Variants in UTRN observed in about 807,000 individuals in gnomAD.
UTRN encodes the protein utrophin.
Under a neutral mutation model 463.9 loss-of-function variants are expected in UTRN, and 283 were observed. That is an observed-to-expected ratio of 0.61 (90% confidence interval 0.55 to 0.67). The LOEUF (loss-of-function observed/expected upper bound fraction) is 0.67, where lower values mean the gene tolerates loss of function less well. UTRN is among the 30% of genes least tolerant of loss of function. UTRN has a pLI of 0.00. For synonymous variants in UTRN, 1,442 were observed against 1,431.5 expected (o/e 1.01, Z -0.17); for missense variants, 3,922 against 4,084.3 (o/e 0.96, Z 1.08).
At position 144,350,102 on chromosome 6, in the gene UTRN, T is replaced by A. The variant is rs2114655368; in HGVS notation, c.80-53021T>A. 1.3e-5 allele frequency among the ~76,000 whole-genome samples: 2 copies of A among 152,244 alleles called. 1 individual carries two copies. The highest frequency in any genetic ancestry group is 3.9e-4 in the East Asian group (2 of 5,184). On this transcript the variant is annotated intron_variant, in intron 2 of 74. Coordinates refer to ENST00000367545, the MANE Select transcript of UTRN (RefSeq NM_007124.3). ...GTCTGAGCTGCAGAGTATTGAAACTTAGATTGTGAGCTGGGCAGGAATTCC... is the reference window on the plus strand; with the variant it reads ...GTCTGAGCTGCAGAGTATTGAAACTAAGATTGTGAGCTGGGCAGGAATTCC...
intron 2 of UTRN, among the ~76,000 whole-genome samples, chr6:144,307,963 C>A (rs769788434): frequency 1.1e-4 from 16 of 151,992 alleles, no homozygotes; most frequent in Non-Finnish European, 2.1e-4. Context: ...TGTGTGGGTT[C>A]TTTTCTCCCA....
intron 3 of UTRN, among the ~76,000 whole-genome samples, chr6:144,416,053 ATGTGTG>A (rs150925725): frequency 5.4e-5 from 8 of 147,040 alleles, no homozygotes; most frequent in Admixed American, 1.4e-4. Context: ...GTGTGTGTGT[ATGTGTG>A]TGTGTGTGTG....
intron 9 of UTRN, among the ~76,000 whole-genome samples, chr6:144,435,507 A>C (rs1021836802): frequency 6.6e-6 from 1 of 152,160 alleles, no homozygotes; most frequent in Admixed American, 6.5e-5. Flanking sequence ...CAGAATTCTC[A>C]CCTTTCTTTT....
chr6:144,550,985 A>G lies in UTRN; in HGVS notation c.6831A>G (p.Glu2277=), dbSNP rs1355633244. Reference sequence around the variant, plus strand: ...AACAGATTACAAAGGCTGACTTAGAACAGCGCCATCCTCAGCTGGATTATG... The same window carrying G: ...AACAGATTACAAAGGCTGACTTAGAGCAGCGCCATCCTCAGCTGGATTATG... ...SRMKITKADL[E]QRHPQLDYVF... Residue 2277 remains glutamate, a synonymous_variant, in exon 48 of 75, where the codon GAA becomes GAG. Coordinates refer to ENST00000367545, the MANE Select transcript of UTRN (RefSeq NM_007124.3). The G allele has an allele frequency of 1.2e-6, 2 of 1,609,120 alleles. No homozygotes were observed. The highest frequency in any genetic ancestry group is 1.7e-6 in the Non-Finnish European group (2 of 1,178,776).
intron 2 of UTRN, among the ~76,000 whole-genome samples, chr6:144,355,487 C>T (rs943157684): frequency 6.6e-6 from 1 of 152,130 alleles, no homozygotes; most frequent in Non-Finnish European, 1.5e-5. Context: ...GCGTTAGCCA[C>T]CATGCCTGGC....
In UTRN at chr6:144,294,569, C is replaced by T. The variant is rs937618769; in HGVS notation, c.79+2662C>T. 1.4e-4 allele frequency among the ~76,000 whole-genome samples: 21 copies of T among 151,646 alleles called. No homozygotes were observed. In the South Asian group the frequency reaches 2.9e-3, roughly 21 times the overall value. ...ACTTTCCTTTAGGAAAATTTTGATC[C>T]TCATCTGCTCTTCCAGGTTTCTTTT... On this transcript the variant is annotated intron_variant, in intron 2 of 74. Transcript: ENST00000367545.
intron 51 of UTRN, among the ~76,000 whole-genome samples, chr6:144,617,369 A>G (rs963296990): frequency 6.6e-6 from 1 of 152,196 alleles, no homozygotes; most frequent in African/African-American, 2.4e-5. Context: ...AACCATCATC[A>G]TGATTTCACA....
chr6:144,751,083 G>A (rs1791344534), intron 55 of UTRN, among the ~76,000 whole-genome samples: 1 of 152,134 alleles, frequency 6.6e-6, no homozygotes, highest in Non-Finnish European at 1.5e-5. Flanking sequence ...TTCATGGTTA[G>A]GAATGTTGTT....
chr6:144,603,012 T>A (rs1643972568), intron 51 of UTRN, among the ~76,000 whole-genome samples: 1 of 152,348 alleles, frequency 6.6e-6, no homozygotes, highest in Admixed American at 6.5e-5. Context: ...GTCTCTGAGA[T>A]ACGCCTGTAT....
intron 53 of UTRN, among the ~76,000 whole-genome samples, chr6:144,721,253 C>T (rs1199475690): frequency 3.3e-5 from 5 of 152,314 alleles, no homozygotes; most frequent in South Asian, 4.1e-4. Context: ...GCTCCGTCGC[C>T]TAGGCTGGAA....
At chr6:144,514,118 T>TA in intron 36 of UTRN, 81 bp downstream of exon 36, 1 of 1,547,732 alleles carries the variant, frequency 6.5e-7, no homozygotes, top group East Asian at 2.3e-5. Context: ...TGCTCTAAGT[T>TA]ACTTAGCTCT....
At chr6:144,613,699 C>T (rs1324395041) in intron 51 of UTRN, among the ~76,000 whole-genome samples, 1 of 151,840 alleles carries the variant, frequency 6.6e-6, no homozygotes, top group Non-Finnish European at 1.5e-5. Flanking sequence ...GGTGGTCCCG[C>T]TACTGTATAC....
At position 144,851,139 on chromosome 6, in the gene UTRN, G is replaced by A; in HGVS notation, c.*142G>A. The A allele has an allele frequency of 9.8e-7, 1 of 1,024,264 alleles. No individual in the cohort carries two copies. Among genetic ancestry groups the A allele is most frequent in the Non-Finnish European group, 1.5e-6 (1 of 652,704 alleles). 63.4% of individuals were successfully genotyped at this position (1,024,264 alleles called of 1,614,324 possible). A position where few individuals can be genotyped will look rare whatever the true frequency, so the allele number is the denominator to read the frequency against. On this transcript the variant is annotated 3_prime_UTR_variant, in exon 75 of 75. Transcript: ENST00000367545. ...GTGCTGACTGTGTGTTCTACTGAAAGAGTAAAACACTGACTATCCAAAGAG... is the reference window on the plus strand; with the variant it reads ...GTGCTGACTGTGTGTTCTACTGAAAAAGTAAAACACTGACTATCCAAAGAG...
chr6:144,677,754 C>T (rs901814768), intron 51 of UTRN, among the ~76,000 whole-genome samples: 20 of 152,222 alleles, frequency 1.3e-4, no homozygotes, highest in African/African-American at 4.6e-4. Flanking sequence ...ATTCCAATTT[C>T]ACCACATCCT....
intron 50 of UTRN, 90 bp downstream of exon 50, chr6:144,557,401 G>C: frequency 7.4e-7 from 1 of 1,352,412 alleles, no homozygotes; most frequent in Non-Finnish European, 1.0e-6. Context: ...CCAAACATGT[G>C]GCTACTACAA....
At chr6:144,453,508 T>C (rs529036299) in intron 18 of UTRN, among the ~76,000 whole-genome samples, 1 of 152,336 alleles carries the variant, frequency 6.6e-6, no homozygotes, top group East Asian at 1.9e-4. Flanking sequence ...ATTATTTTTA[T>C]GGCATGGCGT....
At chr6:144,713,920 CAAAAAAA>C (rs535219098) in intron 53 of UTRN, among the ~76,000 whole-genome samples, 3 of 101,168 alleles carry the variant, frequency 3.0e-5, no homozygotes, top group African/African-American at 7.2e-5. Context: ...AACTCTGTCT[CAAAAAAA>C]AAAAAAAAAA....
chr6:144,307,559 C>T lies in UTRN; in HGVS notation c.79+15652C>T, dbSNP rs113160984. On this transcript the variant is annotated intron_variant, in intron 2 of 74. Coordinates refer to ENST00000367545, the MANE Select transcript of UTRN (RefSeq NM_007124.3). ...AGATTGGCAGTCCAATACGCTGGCACGAACTGAGGGTCTCACACTTTTGCT... is the reference window on the plus strand; with the variant it reads ...AGATTGGCAGTCCAATACGCTGGCATGAACTGAGGGTCTCACACTTTTGCT... Among the ~76,000 whole-genome samples the T allele has an allele frequency of 4.3e-3, 662 of 152,232 alleles. 5 individuals carry two copies. Among genetic ancestry groups the T allele is most frequent in the African/African-American group, 0.014 (587 of 41,528 alleles).
chr6:144,420,399 G>A (rs2114843751), intron 3 of UTRN, among the ~76,000 whole-genome samples: 1 of 152,318 alleles, frequency 6.6e-6, no homozygotes, highest in Admixed American at 6.5e-5. Context: ...TCACCAGGTA[G>A]TTAAAGGTCA....
Sources: gnomAD v4.1 joint callset for allele counts (sites outside exome capture counted in the v4.1 genomes callset) on GRCh38, gnomAD v4.1.1 for gene constraint, MANE v1.5 for transcripts, NCBI Gene and HGNC (gene_info 2026-07-23, HGNC 2026-07-21) for gene names.